The following RTL4 variants were observed in gnomAD, a reference collection of about 807,000 sequenced individuals.
RTL4 encodes retrotransposon Gag-like protein 4.
Under a neutral mutation model 5.3 loss-of-function variants are expected in RTL4, and 4 were observed. The ratio of observed to expected loss-of-function variants is 0.75; its 90% CI spans 0.37 to 1.72. RTL4 has a LOEUF of 1.72. Ranked by LOEUF, RTL4 falls within the 40% of genes most tolerant of loss-of-function variation. The pLI is 0.04. For synonymous variants in RTL4, 98 were observed against 87.3 expected (o/e 1.12, Z -0.68); for missense variants, 260 against 227.1 (o/e 1.14, Z -0.93).
At chrX:112,109,009 A>C in the RTL4 span, among the ~76,000 whole-genome samples, 10,978 of 110,052 alleles carry the variant, frequency 0.1, 991 homozygotes, top group African/African-American at 0.28. Context: ...AGCAGATGGT[A>C]TCTCTCTTCA....
chrX:112,418,606 G>C, the RTL4 span, among the ~76,000 whole-genome samples: 1 of 110,574 alleles, frequency 9.0e-6, no homozygotes, highest in Admixed American at 9.7e-5. Context: ...ATAACACTGA[G>C]ATTGTACACT....
At chrX:112,295,284 C>A in the RTL4 span, among the ~76,000 whole-genome samples, 1 of 111,439 alleles carries the variant, frequency 9.0e-6, no homozygotes, top group East Asian at 2.8e-4. Context: ...AGACCTTCTG[C>A]TCCTCATTTG....
chrX:112,117,823 T>C, the RTL4 span, among the ~76,000 whole-genome samples: 2 of 111,632 alleles, frequency 1.8e-5, no homozygotes, highest in South Asian at 3.7e-4. Context: ...AATTCCATTT[T>C]CACTAATTTA....
At chrX:112,360,121 A>G in the RTL4 span, among the ~76,000 whole-genome samples, 1 of 111,268 alleles carries the variant, frequency 9.0e-6, no homozygotes, top group Non-Finnish European at 1.9e-5. Context: ...TCATTGTCTC[A>G]TTTTAGATTT....
At chrX:112,327,683 G>C in the RTL4 span, among the ~76,000 whole-genome samples, 43 of 108,780 alleles carry the variant, frequency 4.0e-4, no homozygotes, top group Admixed American at 3.0e-3. Flanking sequence ...TCGAGAAGAG[G>C]AACTCCAAGA....
chrX:112,165,629 A>G, the RTL4 span, among the ~76,000 whole-genome samples: 2 of 111,472 alleles, frequency 1.8e-5, no homozygotes, highest in Admixed American at 9.5e-5. Context: ...TATTTTTAAT[A>G]TTTTTGACTC....
At chrX:112,175,195 G>T in the RTL4 span, among the ~76,000 whole-genome samples, 1 of 104,587 alleles carries the variant, frequency 9.6e-6, no homozygotes, top group African/African-American at 3.5e-5. Context: ...TTTTCTTCTA[G>T]GGTTTTTATG....
At chrX:112,379,786 T>C in the RTL4 span, among the ~76,000 whole-genome samples, 1 of 112,184 alleles carries the variant, frequency 8.9e-6, no homozygotes, top group African/African-American at 3.2e-5. Context: ...TTTATGTTTT[T>C]AATGTGATAT....
chrX:112,138,920 C>A, the RTL4 span, among the ~76,000 whole-genome samples: 2 of 111,361 alleles, frequency 1.8e-5, no homozygotes, highest in Non-Finnish European at 3.8e-5. Context: ...AGACTTTATT[C>A]AGATTCTCTT....
chrX:112,303,613 G>A, the RTL4 span, among the ~76,000 whole-genome samples: 1 of 58,287 alleles, frequency 1.7e-5, no homozygotes, highest in African/African-American at 7.4e-5. Flanking sequence ...GTTGTGGGGT[G>A]GGGGGAGGGG....
chrX:112,224,229 G>C, the RTL4 span, among the ~76,000 whole-genome samples: 1 of 110,839 alleles, frequency 9.0e-6, no homozygotes, highest in Non-Finnish European at 1.9e-5. Flanking sequence ...TTCATATTTT[G>C]GACAACACTA....
the RTL4 span, among the ~76,000 whole-genome samples, chrX:112,103,208 A>T: frequency 9.0e-6 from 1 of 111,027 alleles, no homozygotes; most frequent in African/African-American, 3.3e-5. Flanking sequence ...TAGACTAGAT[A>T]AAAAAAAATG....
chrX:112,355,867 A>G, the RTL4 span, among the ~76,000 whole-genome samples: 1 of 111,627 alleles, frequency 9.0e-6, no homozygotes, highest in African/African-American at 3.3e-5. Context: ...CTTATTCTGT[A>G]CAGCTGGAGA....
At chrX:112,148,167 C>T in the RTL4 span, among the ~76,000 whole-genome samples, 4 of 109,739 alleles carry the variant, frequency 3.6e-5, no homozygotes, top group East Asian at 1.2e-3. Flanking sequence ...CTTGGTGCTT[C>T]CTGCTCATTT....
the RTL4 span, among the ~76,000 whole-genome samples, chrX:112,231,240 T>C: frequency 9.0e-6 from 1 of 110,964 alleles, no homozygotes; most frequent in Non-Finnish European, 1.9e-5. Context: ...ACCCAAAGGA[T>C]TATAAATCAT....
At chrX:112,227,754 C>T in the RTL4 span, among the ~76,000 whole-genome samples, 1 of 111,370 alleles carries the variant, frequency 9.0e-6, no homozygotes, top group Admixed American at 9.6e-5. Context: ...TAGAATTGTG[C>T]CCAGGGTGGG....
chrX:112,137,937 T>A, the RTL4 span, among the ~76,000 whole-genome samples: 3,591 of 111,735 alleles, frequency 0.032, 129 homozygotes, highest in African/African-American at 0.097. Context: ...CAAAGAGATA[T>A]CTGCGTAGCC....
At chrX:112,212,384 A>C in the RTL4 span, among the ~76,000 whole-genome samples, 4 of 112,509 alleles carry the variant, frequency 3.6e-5, no homozygotes, top group Non-Finnish European at 7.5e-5. Flanking sequence ...TCAAAAAAAA[A>C]ATAAAATAAA....
At chrX:112,252,899 G>T in the RTL4 span, among the ~76,000 whole-genome samples, 3 of 110,819 alleles carry the variant, frequency 2.7e-5, no homozygotes, top group East Asian at 8.5e-4. Context: ...CTCAATCAAA[G>T]ACATACAGCT....
Sources: gnomAD v4.1 joint callset for allele counts (sites outside exome capture counted in the v4.1 genomes callset) on GRCh38, gnomAD v4.1.1 for gene constraint, MANE v1.5 for transcripts, NCBI Gene and HGNC (gene_info 2026-07-23, HGNC 2026-07-21) for gene names.